The following MPHOSPH8 variants were observed in gnomAD, a reference collection of about 807,000 sequenced individuals.
The protein encoded by MPHOSPH8 is M-phase phosphoprotein 8, also known as M-phase phosphoprotein, mpp.
In MPHOSPH8, 45 loss-of-function variants were observed where a neutral mutation model predicts 87.3. The ratio of observed to expected loss-of-function variants is 0.52; its 90% CI spans 0.41 to 0.66. The LOEUF (loss-of-function observed/expected upper bound fraction) is 0.66. Among genes scored for constraint, MPHOSPH8 ranks in the 30% least tolerant of loss-of-function variants. MPHOSPH8 has a pLI of 0.00. For synonymous variants in MPHOSPH8, 366 were observed against 376.9 expected (o/e 0.97, Z 0.33); for missense variants, 883 against 1,020.2 (o/e 0.87, Z 1.83).
intron 2 of MPHOSPH8, among the ~76,000 whole-genome samples, chr13:19,645,003 C>T (rs1874493294): frequency 6.6e-6 from 1 of 152,060 alleles, no homozygotes; most frequent in African/African-American, 2.4e-5. Flanking sequence ...TTGTTTCTGT[C>T]TTCTCTGGCC....
chr13:19,668,634 C>A, intron 11 of MPHOSPH8, 103 bp downstream of exon 11: 1 of 1,266,450 alleles, frequency 7.9e-7, no homozygotes, highest in Non-Finnish European at 1.1e-6. Flanking sequence ...TAAGGAAATT[C>A]CATTACGTGT....
intron 7 of MPHOSPH8, among the ~76,000 whole-genome samples, 189 bp from the exon 8 acceptor site, chr13:19,661,509 A>G (rs1455576928): frequency 6.6e-6 from 1 of 152,224 alleles, no homozygotes; most frequent in African/African-American, 2.4e-5. Flanking sequence ...GCAAACATTC[A>G]TATGTGAAAA....
Position 19,672,983 on chromosome 13 carries a change from G to A in MPHOSPH8, c.*1108G>A, listed in dbSNP as rs927547623. 1 of 413,082 alleles carries A rather than the reference G, an allele frequency of 2.4e-6. No individual in the cohort carries two copies. Among genetic ancestry groups the A allele is most frequent in the Non-Finnish European group, 4.7e-6 (1 of 212,996 alleles). 25.6% of individuals were successfully genotyped at this position (413,082 alleles called of 1,614,324 possible). ...AGGTGAAAGGATTGCTTGAGCCAGG[G>A]AGGTCAAGGCTGCAGTGAGCCGTGA... On this transcript the variant is annotated 3_prime_UTR_variant, in exon 14 of 14. Transcript: ENST00000361479.
Position 19,666,482 on chromosome 13 carries a change from T to G in MPHOSPH8, c.2077T>G (p.Cys693Gly). Residue 693 changes from cysteine to glycine, a missense_variant, in exon 10 of 14, where the codon TGC becomes GGC. Transcript: ENST00000361479. ...ACTCGTAATTGAATGTGGAGCTGACTGCAATATTTTGTCAAAGCACCAGAA... is the reference window on the plus strand; with the variant it reads ...ACTCGTAATTGAATGTGGAGCTGACGGCAATATTTTGTCAAAGCACCAGAA... ...VRLVIECGAD[C>G]NILSKHQNSA... 6.2e-7 allele frequency: 1 copy of G among 1,611,952 alleles called. No individual in the cohort carries two copies. The highest frequency in any genetic ancestry group is 8.5e-7 in the Non-Finnish European group (1 of 1,178,124).
chr13:19,639,229 T>C (rs748267670), intron 1 of MPHOSPH8, among the ~76,000 whole-genome samples: 3 of 151,946 alleles, frequency 2.0e-5, no homozygotes, highest in Non-Finnish European at 4.4e-5. Flanking sequence ...TTGGCGCTGG[T>C]GGTAGCCTAG....
At position 19,634,540 on chromosome 13, in the gene MPHOSPH8, C is replaced by G. The variant is rs536213021; in HGVS notation, c.213+579C>G. On this transcript the variant is annotated intron_variant, in intron 1 of 13. Transcript: ENST00000361479. ...TTCATCACACCATGCCTTGGTGTTT[C>G]CTGTTCTCCTGGCCTGGACAGTTCT... 1.3e-4 allele frequency among the ~76,000 whole-genome samples: 20 copies of G among 152,274 alleles called. No homozygotes were observed. In the South Asian group the frequency reaches 3.7e-3, roughly 28 times the overall value.
At chr13:19,661,946 T>A in intron 8 of MPHOSPH8, 108 bp downstream of exon 8, 1 of 185,600 alleles carries the variant, frequency 5.4e-6, no homozygotes, top group South Asian at 1.7e-4. Flanking sequence ...GTCACATCGC[T>A]TTTTTTTTTT....
At chr13:19,666,155 A>G (rs1435572351) in intron 9 of MPHOSPH8, among the ~76,000 whole-genome samples, 5 of 152,150 alleles carry the variant, frequency 3.3e-5, no homozygotes, top group Non-Finnish European at 5.9e-5. Context: ...GAAGTTGCCC[A>G]TTTCCTGAAA....
At chr13:19,651,120 C>T (rs1404309831) in intron 5 of MPHOSPH8, among the ~76,000 whole-genome samples, 1 of 152,158 alleles carries the variant, frequency 6.6e-6, no homozygotes, top group Non-Finnish European at 1.5e-5. Flanking sequence ...TAAAATAAGC[C>T]TCTGACACAG....
chr13:19,639,466 A>G (rs954984343), intron 1 of MPHOSPH8, among the ~76,000 whole-genome samples: 2 of 151,834 alleles, frequency 1.3e-5, no homozygotes, highest in Admixed American at 6.6e-5. Context: ...ACACGCCACC[A>G]CACCCGGCTA....
chr13:19,637,478 C>T (rs1241629449), intron 1 of MPHOSPH8, among the ~76,000 whole-genome samples: 3 of 151,992 alleles, frequency 2.0e-5, no homozygotes, highest in Admixed American at 6.5e-5. Flanking sequence ...TGTTGAATAA[C>T]GCATTTACCA....
chr13:19,647,645 C>A (rs1874636761), intron 3 of MPHOSPH8, among the ~76,000 whole-genome samples: 3 of 152,006 alleles, frequency 2.0e-5, no homozygotes, highest in African/African-American at 7.3e-5. Flanking sequence ...TTGAGTATAC[C>A]ACTATTAAAT....
In MPHOSPH8 at chr13:19,668,392, A is replaced by T. The variant is rs1297553546; in HGVS notation, c.2190A>T (p.Ala730=). 5.0e-6 allele frequency: 8 copies of T among 1,613,462 alleles called. No individual in the cohort carries two copies. The East Asian group carries it at 1.6e-4, about 31-fold the overall frequency. Residue 730 remains alanine, a synonymous_variant, in exon 11 of 14, where the codon GCA becomes GCT. Transcript: ENST00000361479. ...KNHLETLSRV[A]EETIKDYFEA... is the part of the protein sequence containing the mutation. ...TTTTTCTTAGACTTTCAAGAGTAGC[A>T]GAAGAGACAATAAAGGATTACTTTG...
Position 19,663,075 on chromosome 13 carries a change from A to G in MPHOSPH8, c.1968A>G (p.Ala656=). 1 of 1,614,102 alleles carries G rather than the reference A, an allele frequency of 6.2e-7. No individual in the cohort carries two copies. Among genetic ancestry groups the G allele is most frequent in the Non-Finnish European group, 8.5e-7 (1 of 1,179,882 alleles). ...CAACAGTGGCTATTCTTTTGGAAGC[A>G]GGAGCTTTTGTAAATGTCCAGCAAA... is the stretch of plus-strand genomic sequence containing the variant. ...FLTTVAILLE[A]GAFVNVQQSN... is the part of the protein sequence containing the mutation. The change falls in exon 9 of 14, where the codon GCA becomes GCG. Residue 656 remains alanine (A), a synonymous_variant. Transcript: ENST00000361479.
In MPHOSPH8 at chr13:19,635,211, C is replaced by T. The variant is rs185587801; in HGVS notation, c.213+1250C>T. ...TGCATTTAACACAATACCTGGCACA[C>T]AGGAGGTATTTGAAAAATATTCGGC... is the stretch of plus-strand genomic sequence containing the variant. On this transcript the variant is annotated intron_variant, in intron 1 of 13. Coordinates refer to ENST00000361479, the MANE Select transcript of MPHOSPH8 (RefSeq NM_017520.4). Among the ~76,000 whole-genome samples the T allele has an allele frequency of 4.6e-4, 70 of 152,312 alleles. 1 individual carries two copies. Among genetic ancestry groups the T allele is most frequent in the African/African-American group, 9.4e-4 (39 of 41,572 alleles).
chr13:19,671,844 T>TA lies in MPHOSPH8; in HGVS notation c.2554dup (p.Ile852AsnfsTer41). The TA allele has an allele frequency of 6.2e-7, 1 of 1,614,170 alleles. No homozygotes were observed. The highest frequency in any genetic ancestry group is 8.5e-7 in the Non-Finnish European group (1 of 1,179,990). ...CTTTTCTTTCAACAGGTTAAGTTGC[T>TA]AATAGGTGCATACAGAGTGCAGCTG... On this transcript the variant is annotated frameshift_variant, in exon 14 of 14. Coordinates refer to ENST00000361479, the MANE Select transcript of MPHOSPH8 (RefSeq NM_017520.4). LOFTEE classifies it high-confidence loss of function.
chr13:19,660,093 C>A (rs1029777985), intron 7 of MPHOSPH8, among the ~76,000 whole-genome samples: 1 of 150,856 alleles, frequency 6.6e-6, no homozygotes, highest in Non-Finnish European at 1.5e-5. Context: ...TCCCGAGTAG[C>A]TGGACTACAG....
chr13:19,671,788 G>A, intron 13 of MPHOSPH8, 46 bp from the exon 14 acceptor site: 1 of 1,586,298 alleles, frequency 6.3e-7, no homozygotes, highest in African/African-American at 1.3e-5. Context: ...GTAAGAAAGG[G>A]GAAATCTGGA....
intron 10 of MPHOSPH8, among the ~76,000 whole-genome samples, chr13:19,667,327 A>C (rs770280700): frequency 2.2e-4 from 33 of 152,284 alleles, no homozygotes; most frequent in African/African-American, 7.5e-4. Context: ...CCAGTCACCC[A>C]CAGTGGGACA....
Sources: gnomAD v4.1 joint callset for allele counts (sites outside exome capture counted in the v4.1 genomes callset) on GRCh38, gnomAD v4.1.1 for gene constraint, MANE v1.5 for transcripts, NCBI Gene and HGNC (gene_info 2026-07-23, HGNC 2026-07-21) for gene names.